KCNQ3: variants seen among roughly 807,000 people sequenced by gnomAD.
KCNQ3 encodes the protein potassium voltage-gated channel subfamily KQT member 3.
Under a neutral mutation model 92.5 loss-of-function variants are expected in KCNQ3, and 30 were observed. The observed-to-expected ratio is 0.32, with a 90% confidence interval of 0.24 to 0.44. The LOEUF is 0.44. KCNQ3 is among the 20% of genes least tolerant of loss of function. The pLI, the probability that KCNQ3 is intolerant of heterozygous loss-of-function variation, is 1.00. For missense variants in KCNQ3, 913 were observed against 1,140.3 expected (o/e 0.80, Z 2.87); for synonymous variants, 450 against 468.8 (o/e 0.96, Z 0.52).
chr8:132,288,491 C>T (rs913657224), intron 1 of KCNQ3, among the ~76,000 whole-genome samples: 3 of 152,160 alleles, frequency 2.0e-5, no homozygotes, highest in African/African-American at 7.2e-5. Flanking sequence ...CATAAGTCAC[C>T]CTCATCACAT....
intron 8 of KCNQ3, among the ~76,000 whole-genome samples, chr8:132,165,278 C>T (rs1826111449): frequency 6.6e-6 from 1 of 152,220 alleles, no homozygotes; most frequent in Non-Finnish European, 1.5e-5. Context: ...ATCTTATCTT[C>T]ACTACCCTTA....
intron 1 of KCNQ3, among the ~76,000 whole-genome samples, chr8:132,355,728 CTGACATGAGCTCATATAGTCCCCTT>C (rs1586952495): frequency 1.3e-5 from 2 of 152,188 alleles, no homozygotes; most frequent in East Asian, 3.9e-4. Context: ...ACATGGTCTG[CTGACATGAGCTCATATAGTCCCCTT>C]TGTGCCTAGT....
chr8:132,162,972 TG>T (rs2130074767), intron 9 of KCNQ3, among the ~76,000 whole-genome samples: 1 of 152,346 alleles, frequency 6.6e-6, no homozygotes, highest in East Asian at 1.9e-4. Flanking sequence ...TGTGGTTTAC[TG>T]GGAAACCTCC....
chr8:132,414,656 A>G (rs1820746102), intron 1 of KCNQ3, among the ~76,000 whole-genome samples: 1 of 152,212 alleles, frequency 6.6e-6, no homozygotes, highest in Admixed American at 6.5e-5. Flanking sequence ...ATCCATCTTC[A>G]ACCCCATGGA....
intron 1 of KCNQ3, among the ~76,000 whole-genome samples, chr8:132,217,288 A>C (rs907782882): frequency 1.3e-5 from 2 of 152,178 alleles, no homozygotes; most frequent in Non-Finnish European, 2.9e-5. Context: ...AAACTACTTC[A>C]TTCATTCATT....
At chr8:132,286,569 T>A (rs923440942) in intron 1 of KCNQ3, among the ~76,000 whole-genome samples, 16 of 152,316 alleles carry the variant, frequency 1.1e-4, no homozygotes, top group African/African-American at 3.8e-4. Context: ...GAGTCTCAGA[T>A]GAGACTTTGG....
chr8:132,242,407 TC>T (rs1417089489), intron 1 of KCNQ3, among the ~76,000 whole-genome samples: 1 of 152,088 alleles, frequency 6.6e-6, no homozygotes. Context: ...TAAAACGGCT[TC>T]AAAAGATTGA....
chr8:132,180,399 C>G (rs1001700337), intron 3 of KCNQ3, 70 bp from the exon 4 acceptor site: 7 of 1,556,720 alleles, frequency 4.5e-6, no homozygotes, highest in South Asian at 2.2e-5. Context: ...ATGGCGTCAT[C>G]ATAGGTGCTG....
intron 1 of KCNQ3, among the ~76,000 whole-genome samples, chr8:132,280,891 G>C (rs1563838650): frequency 6.6e-6 from 1 of 152,214 alleles, no homozygotes; most frequent in Non-Finnish European, 1.5e-5. Context: ...GAGCTACACT[G>C]GGGCTTGTTC....
chr8:132,448,502 G>GAAAAAAAAAAAAAAAAAAAAAAGAAAA, intron 1 of KCNQ3, among the ~76,000 whole-genome samples: 1 of 93,884 alleles, frequency 1.1e-5, no homozygotes, highest in Non-Finnish European at 2.1e-5. Context: ...GGAGAAATAT[G>GAAAAAAAAAAAAAAAAAAAAAAGAAAA]AAAAAAAAAA....
At chr8:132,245,698 C>T (rs760877138) in intron 1 of KCNQ3, among the ~76,000 whole-genome samples, 12 of 152,094 alleles carry the variant, frequency 7.9e-5, no homozygotes, top group Non-Finnish European at 1.2e-4. Context: ...TTTCCCATTC[C>T]GTGTATGTCT....
chr8:132,283,092 C>T (rs62520368), intron 1 of KCNQ3, among the ~76,000 whole-genome samples: 8,112 of 130,484 alleles, frequency 0.062, 248 homozygotes, highest in East Asian at 0.16. Flanking sequence ...CTCTCTCTCT[C>T]GTGTGTGTGT....
intron 1 of KCNQ3, chr8:132,187,087 G>T (rs142551146): frequency 1.8e-5 from 8 of 441,020 alleles, no homozygotes; most frequent in African/African-American, 1.4e-4. Flanking sequence ...GGTTCCCTGG[G>T]TGTCCAAAAG....
chr8:132,160,467 G>A (rs1261639738), intron 9 of KCNQ3, among the ~76,000 whole-genome samples: 2 of 152,136 alleles, frequency 1.3e-5, no homozygotes, highest in African/African-American at 2.4e-5. Context: ...AAATACATGT[G>A]GGGTACATCT....
intron 1 of KCNQ3, among the ~76,000 whole-genome samples, chr8:132,288,336 A>G (rs1816737261): frequency 6.6e-6 from 1 of 152,342 alleles, no homozygotes; most frequent in South Asian, 2.1e-4. Flanking sequence ...AATTGCTTGT[A>G]TGGTACAGGA....
At chr8:132,464,177 G>A (rs893910510) in intron 1 of KCNQ3, among the ~76,000 whole-genome samples, 21 of 152,122 alleles carry the variant, frequency 1.4e-4, no homozygotes, top group African/African-American at 3.4e-4. Flanking sequence ...CCTACTATAC[G>A]CCCATAAGAC....
At chr8:132,317,472 T>C (rs1415007742) in intron 1 of KCNQ3, among the ~76,000 whole-genome samples, 2 of 152,218 alleles carry the variant, frequency 1.3e-5, no homozygotes, top group Non-Finnish European at 2.9e-5. Flanking sequence ...CCAAATGTTC[T>C]AGTGGGTAGA....
intron 1 of KCNQ3, among the ~76,000 whole-genome samples, chr8:132,269,496 C>T (rs1242165180): frequency 2.6e-5 from 4 of 152,174 alleles, no homozygotes; most frequent in Non-Finnish European, 5.9e-5. Flanking sequence ...ATTGCCTTTT[C>T]TAGAATCTGC....
chr8:132,478,158 G>C (rs1224282663), intron 1 of KCNQ3, among the ~76,000 whole-genome samples: 2 of 152,044 alleles, frequency 1.3e-5, no homozygotes, highest in Non-Finnish European at 2.9e-5. Flanking sequence ...ATCCTTTTTG[G>C]GAAACAGGCT....
Sources: gnomAD v4.1 joint callset for allele counts (sites outside exome capture counted in the v4.1 genomes callset) on GRCh38, gnomAD v4.1.1 for gene constraint, MANE v1.5 for transcripts, NCBI Gene and HGNC (gene_info 2026-07-23, HGNC 2026-07-21) for gene names.